CUX1: variants seen among roughly 807,000 people sequenced by gnomAD.
The protein encoded by CUX1 is protein CASP.
In CUX1, 31 loss-of-function variants were observed where a neutral mutation model predicts 158.8. The ratio of observed to expected loss-of-function variants is 0.20; its 90% CI spans 0.15 to 0.26. CUX1 has a LOEUF of 0.26. CUX1 is among the 10% of genes least tolerant of loss of function. The probability of loss-of-function intolerance (pLI) is 1.00; values close to 1 mark genes in which losing one functional copy is unlikely to be tolerated. For missense variants in CUX1, 1,589 were observed against 2,014.6 expected (o/e 0.79, Z 4.04); for synonymous variants, 879 against 862.1 (o/e 1.02, Z -0.34).
intron 1 of CUX1, among the ~76,000 whole-genome samples, chr7:101,856,169 T>G (rs1584776019): frequency 1.8e-5 from 2 of 111,788 alleles, no homozygotes; most frequent in Non-Finnish European, 1.6e-5. Flanking sequence ...GGTGACAGAG[T>G]GAGACCCTGT....
Position 102,255,903 on chromosome 7 carries a change from G to C in CUX1, c.*6861G>C. Reference sequence around the variant, plus strand: ...ATAGATGACTATGTGTAAAAGCTCTGTGCAATTGAAATCATTTTTCTTCAT... The same window carrying C: ...ATAGATGACTATGTGTAAAAGCTCTCTGCAATTGAAATCATTTTTCTTCAT... On this transcript the variant is annotated 3_prime_UTR_variant, in exon 24 of 24. Transcript: ENST00000292535. 3.0e-6 allele frequency: 3 copies of C among 985,128 alleles called. No individual in the cohort carries two copies. Among genetic ancestry groups the C allele is most frequent in the Non-Finnish European group, 3.6e-6 (3 of 829,868 alleles). The allele number at this position is 985,128 out of a possible 1,614,324, so 61.0% of individuals were successfully genotyped here.
chr7:101,988,721 C>T (rs192886621), intron 2 of CUX1, among the ~76,000 whole-genome samples: 83 of 152,238 alleles, frequency 5.5e-4, no homozygotes, highest in Admixed American at 5.4e-3. Flanking sequence ...ATACCAGGGG[C>T]TGGGCGCGGT....
chr7:101,847,204 G>A (rs531444004), intron 1 of CUX1, among the ~76,000 whole-genome samples: 8 of 152,144 alleles, frequency 5.3e-5, no homozygotes, highest in Non-Finnish European at 1.0e-4. Context: ...TTTCACCAAC[G>A]CTGTAGCAAA....
chr7:102,201,385 A>C lies in CUX1; in HGVS notation c.2088A>C (p.Ala696=). ...CAGAGCCGGCCCAGCCTTCCTCCGC[A>C]TCCGGCAGCGGGAACTCTGATGACG... is the stretch of plus-strand genomic sequence containing the variant. ...KTAEPAQPSS[A]SGSGNSDDAI... Residue 696 remains alanine, a synonymous_variant, in exon 18 of 24, where the codon GCA becomes GCC. Coordinates refer to ENST00000292535, the MANE Select transcript of CUX1 (RefSeq NM_181552.4). This position sits in a 1 kb window ranked among gnomAD's most constrained non-coding sequence, Gnocchi z 5.0. The C allele has an allele frequency of 6.2e-7, 1 of 1,613,748 alleles. No homozygotes were observed. Among genetic ancestry groups the C allele is most frequent in the East Asian group, 2.2e-5 (1 of 44,876 alleles).
intron 3 of CUX1, among the ~76,000 whole-genome samples, chr7:102,036,301 T>C (rs1380401115): frequency 1.3e-5 from 2 of 152,114 alleles, no homozygotes; most frequent in Non-Finnish European, 2.9e-5. Flanking sequence ...ATTCCAGAAT[T>C]TTTATACATA....
At chr7:102,235,569 G>A (rs1017426773) in intron 22 of CUX1, among the ~76,000 whole-genome samples, 37 of 152,016 alleles carry the variant, frequency 2.4e-4, no homozygotes, top group Admixed American at 4.6e-4. Flanking sequence ...AGGCATGGTG[G>A]CGCACGCCCG....
At chr7:102,108,196 A>T (rs1286046376) in intron 6 of CUX1, among the ~76,000 whole-genome samples, 3 of 152,246 alleles carry the variant, frequency 2.0e-5, no homozygotes, top group African/African-American at 4.8e-5. Context: ...TCATAGTAAC[A>T]TGAGAAACGT....
intron 4 of CUX1, among the ~76,000 whole-genome samples, chr7:102,096,120 C>T (rs1554484011): frequency 2.6e-5 from 4 of 152,254 alleles, no homozygotes; most frequent in African/African-American, 9.6e-5. Flanking sequence ...AAGACCCCAG[C>T]GCTGGCCTGG....
chr7:101,821,698 G>A (rs1441588030), intron 1 of CUX1, among the ~76,000 whole-genome samples: 19 of 5,234 alleles, frequency 3.6e-3, no homozygotes, highest in African/African-American at 0.013. Flanking sequence ...TTTTTTTTTT[G>A]AGACGTGGTT....
At chr7:101,821,579 C>T (rs1407739600) in intron 1 of CUX1, among the ~76,000 whole-genome samples, 1 of 151,434 alleles carries the variant, frequency 6.6e-6, no homozygotes, top group East Asian at 1.9e-4. Flanking sequence ...ACTTAGTGAT[C>T]CGCCCGCCTT....
At chr7:102,264,004 CT>C (rs60225596) in intron 14 of CUX1, among the ~76,000 whole-genome samples, 29,844 of 100,868 alleles carry the variant, frequency 0.3, 3,378 homozygotes, top group South Asian at 0.38. Context: ...AAGTTAACTT[CT>C]TTTTTTTTTT....
Position 101,817,753 on chromosome 7 carries a change from T to G in CUX1, c.30+84T>G. ...TCGGGGGGTGCCCGGGTCCCGCGGC[T>G]TAGAATGCTCTAGGGCGGCCTGGTG... is the stretch of plus-strand genomic sequence containing the variant. On this transcript the variant is annotated intron_variant, in intron 1 of 23. Transcript: ENST00000292535. This position sits in a 1 kb window ranked among gnomAD's most constrained non-coding sequence, Gnocchi z 4.1. The G allele has an allele frequency of 1.3e-6, 2 of 1,510,428 alleles. No individual in the cohort carries two copies. The highest frequency in any genetic ancestry group is 1.8e-6 in the Non-Finnish European group (2 of 1,121,608). 93.6% of individuals were successfully genotyped at this position (1,510,428 alleles called of 1,614,324 possible).
intron 23 of CUX1, among the ~76,000 whole-genome samples, chr7:102,240,225 C>T (rs1276785606): frequency 3.9e-5 from 6 of 152,064 alleles, no homozygotes; most frequent in Non-Finnish European, 7.4e-5. Context: ...AGGAGTGAAA[C>T]TTTTGTGGTT....
chr7:101,883,353 G>A (rs1049764644), intron 1 of CUX1, among the ~76,000 whole-genome samples: 2 of 152,158 alleles, frequency 1.3e-5, no homozygotes, highest in African/African-American at 2.4e-5. Context: ...GATGAAACTA[G>A]CATGAGATAG....
At chr7:102,049,303 C>T (rs1823207224) in intron 3 of CUX1, among the ~76,000 whole-genome samples, 3 of 152,230 alleles carry the variant, frequency 2.0e-5, no homozygotes, top group Non-Finnish European at 4.4e-5. Flanking sequence ...CCAGAAGCTT[C>T]GTTCCGTTCT....
At chr7:102,177,407 C>CT (rs1178254065) in intron 10 of CUX1, among the ~76,000 whole-genome samples, 10 of 143,872 alleles carry the variant, frequency 7.0e-5, no homozygotes, top group Admixed American at 6.9e-4. Flanking sequence ...GACCAAAACT[C>CT]TATCTCAAAA....
intron 4 of CUX1, among the ~76,000 whole-genome samples, chr7:102,091,975 C>G (rs1327096154): frequency 6.6e-6 from 1 of 152,134 alleles, no homozygotes. Context: ...AGGCTGGTCT[C>G]AAACTCCTGA....
chr7:102,119,449 T>A (rs1289764997), intron 8 of CUX1, among the ~76,000 whole-genome samples: 1 of 152,138 alleles, frequency 6.6e-6, no homozygotes, highest in Non-Finnish European at 1.5e-5. Context: ...TGAAGCAAAA[T>A]GTAATTAGCC....
At chr7:102,281,792 G>T (rs782193576) in intron 20 of CUX1, 3 of 1,257,448 alleles carry the variant, frequency 2.4e-6, no homozygotes, top group East Asian at 2.3e-5. Context: ...GCCCTGCAGG[G>T]GTGGGTGAGG....
Sources: gnomAD v4.1 joint callset for allele counts (sites outside exome capture counted in the v4.1 genomes callset) on GRCh38, gnomAD v4.1.1 for gene constraint, Gnocchi (gnomAD v3.1) non-coding constraint, MANE v1.5 for transcripts, NCBI Gene and HGNC (gene_info 2026-07-23, HGNC 2026-07-21) for gene names.